The following MCPH1 variants were observed in gnomAD, a reference collection of about 807,000 sequenced individuals.
MCPH1 encodes the protein microcephalin 1.
In MCPH1, 104 loss-of-function variants were observed where a neutral mutation model predicts 84.5. The ratio of observed to expected loss-of-function variants is 1.23; its 90% confidence interval spans 1.05 to 1.45. MCPH1 has a LOEUF of 1.45. MCPH1 is among the 40% of genes most tolerant of loss of function. MCPH1 has a pLI of 0.00. For missense variants in MCPH1, 1,498 were observed against 1,005.7 expected (o/e 1.49, Z -6.62); for synonymous variants, 514 against 366.8 (o/e 1.40, Z -4.58).
intron 12 of MCPH1, among the ~76,000 whole-genome samples, chr8:6,541,334 A>C (rs930975082): frequency 2.0e-5 from 3 of 152,148 alleles, no homozygotes; most frequent in African/African-American, 7.2e-5. Flanking sequence ...GTGGCTAAAG[A>C]CAGGCTAGTG....
At chr8:6,611,900 G>C (rs1022793908) in intron 12 of MCPH1, among the ~76,000 whole-genome samples, 2 of 152,210 alleles carry the variant, frequency 1.3e-5, no homozygotes, top group African/African-American at 4.8e-5. Context: ...TTACAGGCGT[G>C]AGCCACCGCG....
chr8:6,612,834 A>G (rs1322624277), intron 12 of MCPH1, among the ~76,000 whole-genome samples: 8 of 152,244 alleles, frequency 5.3e-5, no homozygotes, highest in Admixed American at 1.3e-4. Flanking sequence ...GGTGGAAGCA[A>G]AGGCAGAGCG....
At chr8:6,431,640 A>G in intron 4 of MCPH1, 54 bp downstream of exon 4, 1 of 1,217,096 alleles carries the variant, frequency 8.2e-7, no homozygotes, top group Non-Finnish European at 1.2e-6. Flanking sequence ...ATTCGTTTTT[A>G]TTTTTTATTT....
intron 12 of MCPH1, among the ~76,000 whole-genome samples, chr8:6,533,859 T>G (rs976310963): frequency 6.6e-6 from 1 of 152,212 alleles, no homozygotes. Flanking sequence ...CTTTCTGTCT[T>G]TAAGAGTAGG....
intron 11 of MCPH1, among the ~76,000 whole-genome samples, chr8:6,486,995 C>T (rs2979664): frequency 0.6 from 91,080 of 152,128 alleles, 30,260 homozygotes; most frequent in East Asian, 0.78. Context: ...GCAGAGTGTC[C>T]TGTGATTCAG....
rs1369976976 is a variant in MCPH1 at position 6,592,834 on chromosome 8, T to TTG, written c.2215-28619_2215-28618insGT. ...CACACCTGGCAATTTTTTTTTTTTTTTTTTGTATTTTTGGTGAAGACGAGG... is the reference window on the plus strand; with the variant it reads ...CACACCTGGCAATTTTTTTTTTTTTTTGTTTTGTATTTTTGGTGAAGACGAGG... On this transcript the variant is annotated intron_variant, in intron 12 of 13. Coordinates refer to ENST00000344683, the MANE Select transcript of MCPH1 (RefSeq NM_024596.5). Among the ~76,000 whole-genome samples the TTG allele has an allele frequency of 8.5e-4, 127 of 149,342 alleles. 1 individual carries two copies. The highest frequency in any genetic ancestry group is 3.4e-3 in the Middle Eastern group (1 of 292).
chr8:6,592,126 GCTC>G (rs1393134478), intron 12 of MCPH1, among the ~76,000 whole-genome samples: 8 of 152,140 alleles, frequency 5.3e-5, no homozygotes, highest in African/African-American at 1.9e-4. Flanking sequence ...ACTCAGCATT[GCTC>G]AATCTTAGTT....
At chr8:6,626,009 T>TC in intron 13 of MCPH1, 1 of 985,300 alleles carries the variant, frequency 1.0e-6, no homozygotes, top group Non-Finnish European at 1.2e-6. Context: ...CGACAGCTCT[T>TC]CCCCTGGGAC....
chr8:6,488,692 G>A (rs1810228628), intron 11 of MCPH1, among the ~76,000 whole-genome samples: 1 of 152,140 alleles, frequency 6.6e-6, no homozygotes, highest in Admixed American at 6.6e-5. Flanking sequence ...GGAGAAGGCT[G>A]TAGGGCCCCA....
chr8:6,569,928 G>A (rs1046660672), intron 12 of MCPH1, among the ~76,000 whole-genome samples: 1 of 152,220 alleles, frequency 6.6e-6, no homozygotes, highest in African/African-American at 2.4e-5. Flanking sequence ...GACATCTCAT[G>A]TGGACCTCGG....
At chr8:6,615,362 C>T (rs1190491311) in intron 12 of MCPH1, among the ~76,000 whole-genome samples, 2 of 152,172 alleles carry the variant, frequency 1.3e-5, no homozygotes, top group African/African-American at 4.8e-5. Flanking sequence ...AGACCATGTC[C>T]CTGCATTTTT....
chr8:6,498,421 C>T (rs913819435), intron 11 of MCPH1, among the ~76,000 whole-genome samples: 2 of 152,184 alleles, frequency 1.3e-5, no homozygotes, highest in African/African-American at 4.8e-5. Context: ...TTAGTGTTTT[C>T]TCCTATCTCT....
intron 9 of MCPH1, among the ~76,000 whole-genome samples, chr8:6,472,275 T>C (rs966748970): frequency 1.3e-5 from 2 of 152,196 alleles, no homozygotes; most frequent in Non-Finnish European, 2.9e-5. Flanking sequence ...TAAACACCTA[T>C]GTATTAATAA....
chr8:6,499,301 A>G (rs1811701582), intron 11 of MCPH1, among the ~76,000 whole-genome samples: 1 of 152,118 alleles, frequency 6.6e-6, no homozygotes, highest in South Asian at 2.1e-4. Context: ...GATGATGATA[A>G]TGATGACGAT....
chr8:6,587,778 A>G (rs1157946670), intron 12 of MCPH1, among the ~76,000 whole-genome samples: 1 of 152,238 alleles, frequency 6.6e-6, no homozygotes, highest in African/African-American at 2.4e-5. Context: ...GACCCTGTCC[A>G]GAGAGCACAG....
At chr8:6,512,775 A>G (rs368072026) in intron 12 of MCPH1, among the ~76,000 whole-genome samples, 8 of 152,196 alleles carry the variant, frequency 5.3e-5, no homozygotes, top group African/African-American at 1.7e-4. Flanking sequence ...AAGGTTGCCC[A>G]TGCTATTACT....
At chr8:6,483,937 T>C (rs1809547756) in intron 11 of MCPH1, among the ~76,000 whole-genome samples, 1 of 152,114 alleles carries the variant, frequency 6.6e-6, no homozygotes, top group Admixed American at 6.5e-5. Flanking sequence ...CCACAAAAAT[T>C]ACCTCCAAAT....
intron 12 of MCPH1, among the ~76,000 whole-genome samples, chr8:6,561,402 C>G (rs1157017856): frequency 1.3e-5 from 2 of 152,166 alleles, no homozygotes; most frequent in Admixed American, 1.3e-4. Flanking sequence ...GCTCATGACT[C>G]AAATAATAAC....
At chr8:6,540,226 A>G (rs777627184) in intron 12 of MCPH1, among the ~76,000 whole-genome samples, 8 of 152,160 alleles carry the variant, frequency 5.3e-5, no homozygotes, top group Non-Finnish European at 8.8e-5. Flanking sequence ...ACATATATTC[A>G]TATCATTTTA....
Sources: gnomAD v4.1 joint callset for allele counts (sites outside exome capture counted in the v4.1 genomes callset) on GRCh38, gnomAD v4.1.1 for gene constraint, MANE v1.5 for transcripts, NCBI Gene and HGNC (gene_info 2026-07-23, HGNC 2026-07-21) for gene names.